Variants in CDK13 observed in about 807,000 individuals in gnomAD.
CDK13 encodes cyclin dependent kinase 13, also known as cyclin-dependent kinase 13.
In CDK13, 40 loss-of-function variants were observed where a neutral mutation model predicts 137.6. The observed-to-expected ratio is 0.29, with a 90% confidence interval of 0.23 to 0.38. CDK13 has a LOEUF of 0.38. CDK13 is among the 10% of genes least tolerant of loss of function. The pLI is 1.00. For synonymous variants in CDK13, 869 were observed against 760.1 expected, an observed-to-expected ratio of 1.14 and a Z score of -2.36; for missense variants, 1,704 against 1,951.8, an observed-to-expected ratio of 0.87 and a Z score of 2.39.
chr7:39,981,276 G>C (rs1387448049), intron 1 of CDK13, among the ~76,000 whole-genome samples: 1 of 151,948 alleles, frequency 6.6e-6, no homozygotes, highest in Non-Finnish European at 1.5e-5. Context: ...GGGTGGAGGT[G>C]GGACGATCAC....
intron 6 of CDK13, among the ~76,000 whole-genome samples, chr7:40,047,559 CTAATATTA>C (rs1240035970): frequency 2.0e-5 from 3 of 151,722 alleles, no homozygotes; most frequent in Non-Finnish European, 2.9e-5. Flanking sequence ...AAATACTATT[CTAATATTA>C]TAATACAGTA....
chr7:39,980,783 C>T (rs527735223), intron 1 of CDK13, among the ~76,000 whole-genome samples: 22 of 152,264 alleles, frequency 1.4e-4, no homozygotes, highest in South Asian at 8.3e-4. Flanking sequence ...AAATAATTTT[C>T]AGAAGACCTA....
At position 40,045,895 on chromosome 7, in the gene CDK13, G is replaced by A; in HGVS notation, c.2413G>A (p.Gly805Ser). The A allele has an allele frequency of 6.2e-7, 1 of 1,613,116 alleles. No homozygotes were observed. The highest frequency in any genetic ancestry group is 2.2e-5 in the East Asian group (1 of 44,810). The change falls in exon 6 of 14, where the codon GGC becomes AGC. Residue 805 changes from glycine (G) to serine (S), a missense_variant. Physicochemically the swap from Gly to Ser is moderately conservative, Grantham distance 56. Coordinates refer to ENST00000181839, the MANE Select transcript of CDK13 (RefSeq NM_003718.5). Reference protein sequence around the residue: ...DHDLMGLLESGLVHFNENHIK... With the variant: ...DHDLMGLLESSLVHFNENHIK... ...TGATCTGATGGGACTACTGGAATCAGGCTTGGTTCATTTTAATGAAAATCA... is the reference window on the plus strand; with the variant it reads ...TGATCTGATGGGACTACTGGAATCAAGCTTGGTTCATTTTAATGAAAATCA...
Position 39,965,279 on chromosome 7 carries a change from A to T in CDK13, c.1211+13427A>T, listed in dbSNP as rs532385065. Among the ~76,000 whole-genome samples, 7 of 152,162 alleles carry T rather than the reference A, an allele frequency of 4.6e-5. No homozygotes were observed. In the South Asian group the frequency reaches 1.5e-3, roughly 32 times the overall value. ...AGTCTCTCTTTGTAGGTCTCTAAGG[A>T]CTTGCTTTATAAATCTGGGTGCTCC... is the stretch of plus-strand genomic sequence containing the variant. On this transcript the variant is annotated intron_variant, in intron 1 of 13. Coordinates refer to ENST00000181839, the MANE Select transcript of CDK13 (RefSeq NM_003718.5).
rs1465986892 is a variant in CDK13 at position 40,012,147 on chromosome 7, A to C, written c.2353+10116A>C. 3.3e-5 allele frequency among the ~76,000 whole-genome samples: 5 copies of C among 152,176 alleles called. No individual in the cohort carries two copies. In the East Asian group the frequency reaches 7.7e-4, roughly 23 times the overall value. On this transcript the variant is annotated intron_variant, in intron 5 of 13. Transcript: ENST00000181839. ...AACACCACCAACAACAACAAAAAAA[A>C]CCCTAGGAAATAAGTGTTGTCCAGG...
Position 40,094,624 on chromosome 7 carries a change from G to A in CDK13, c.4183G>A (p.Ala1395Thr). Residue 1395 changes from alanine to threonine, a missense_variant, in exon 14 of 14, where the codon GCC (alanine) becomes ACC (threonine). By Grantham distance (58) the Ala-to-Thr change is moderately conservative. Around this residue, in one of 5 missense-constraint regions of CDK13, gnomAD observed 475 missense variants for 579.3 expected, o/e 0.82. Coordinates refer to ENST00000181839, the MANE Select transcript of CDK13 (RefSeq NM_003718.5). ...TTCTGGTGGTCCACCTCAGCCTTCT[G>A]CCTTTTCTGAGTCATTTCCCAGTTC... ...SHSGGPPQPSAFSESFPSSVA... is the reference protein window; with the variant it reads ...SHSGGPPQPSTFSESFPSSVA... 6.2e-7 allele frequency: 1 copy of A among 1,614,036 alleles called. No homozygotes were observed. The highest frequency in any genetic ancestry group is 8.5e-7 in the Non-Finnish European group (1 of 1,179,976).
chr7:39,951,093 C>G lies in CDK13; in HGVS notation c.452C>G (p.Ser151Cys). The G allele has an allele frequency of 7.9e-7, 1 of 1,260,610 alleles. No homozygotes were observed. Among genetic ancestry groups the G allele is most frequent in the Non-Finnish European group, 1.0e-6 (1 of 1,004,238 alleles). The allele number at this position is 1,260,610 out of a possible 1,614,324, so 78.1% of individuals were successfully genotyped here. The change falls in exon 1 of 14, where the codon TCC becomes TGC. Residue 151 changes from serine (S) to cysteine (C), a missense_variant. Ser to Cys is a moderately radical substitution (Grantham distance 112, BLOSUM62 -1). Around this residue, in one of 5 missense-constraint regions of CDK13, gnomAD observed 1,051 missense variants for 931.0 expected, o/e 1.13. Transcript: ENST00000181839. ...TPLVEYEDVS[S>C]QSEQGLLLGG... is the part of the protein sequence containing the mutation. ...CTGGTGGAATACGAGGATGTGAGCT[C>G]CCAGTCCGAGCAGGGGCTGCTGCTG...
At chr7:40,024,643 G>GTGTTTTT (rs1785202351) in intron 5 of CDK13, among the ~76,000 whole-genome samples, 1 of 93,290 alleles carries the variant, frequency 1.1e-5, no homozygotes, top group African/African-American at 5.0e-5. Flanking sequence ...CTGTAGCTCT[G>GTGTTTTT]TGTTTTTTTT....
At chr7:39,951,917 A>T in intron 1 of CDK13, 65 bp downstream of exon 1, 1 of 1,312,630 alleles carries the variant, frequency 7.6e-7, no homozygotes. Flanking sequence ...GGAGGAAGGG[A>T]AAGTGGTGCC....
intron 9 of CDK13, among the ~76,000 whole-genome samples, chr7:40,074,777 C>T (rs2150534161): frequency 6.7e-6 from 1 of 150,294 alleles, no homozygotes; most frequent in Middle Eastern, 3.4e-3. Context: ...GCTATGATTG[C>T]ATCACTGACC....
chr7:40,084,537 C>T (rs748972067), intron 11 of CDK13, among the ~76,000 whole-genome samples: 3 of 152,234 alleles, frequency 2.0e-5, no homozygotes, highest in East Asian at 1.9e-4. Context: ...CCCTGTCAAA[C>T]GTAAAGTATA....
Position 39,957,420 on chromosome 7 carries a change from T to C in CDK13, c.1211+5568T>C, listed in dbSNP as rs550452261. On this transcript the variant is annotated intron_variant, in intron 1 of 13. Transcript: ENST00000181839. ...TTTTCCCTACTAGATTGTAAGCTCC[T>C]AGAGGACAAATTACAGAGCTTATTT... Among the ~76,000 whole-genome samples, 3 of 152,316 alleles carry C rather than the reference T, an allele frequency of 2.0e-5. No individual in the cohort carries two copies. In the East Asian group the frequency reaches 5.8e-4, roughly 29 times the overall value.
At chr7:40,039,264 A>G (rs892168703) in intron 5 of CDK13, among the ~76,000 whole-genome samples, 1 of 151,138 alleles carries the variant, frequency 6.6e-6, no homozygotes, top group Non-Finnish European at 1.5e-5. Flanking sequence ...TTATTTATAT[A>G]TACAGATAGA....
intron 2 of CDK13, among the ~76,000 whole-genome samples, chr7:39,995,250 A>G (rs1425750904): frequency 2.6e-5 from 4 of 152,314 alleles, no homozygotes; most frequent in African/African-American, 9.6e-5. Flanking sequence ...TGGACATTTA[A>G]TATAGATAGT....
intron 7 of CDK13, among the ~76,000 whole-genome samples, chr7:40,054,282 C>G (rs911159933): frequency 6.6e-6 from 1 of 152,094 alleles, no homozygotes; most frequent in East Asian, 1.9e-4. Context: ...TTTGAATCTC[C>G]CTTTGTCATA....
intron 1 of CDK13, among the ~76,000 whole-genome samples, chr7:39,983,414 C>T (rs892586545): frequency 2.0e-5 from 3 of 152,298 alleles, no homozygotes; most frequent in Non-Finnish European, 4.4e-5. Context: ...AGCAACTGCG[C>T]CCGGCCCCAA....
At chr7:40,044,979 T>C (rs1401173372) in intron 5 of CDK13, among the ~76,000 whole-genome samples, 2 of 152,200 alleles carry the variant, frequency 1.3e-5, no homozygotes, top group African/African-American at 4.8e-5. Flanking sequence ...CTATTAAATA[T>C]GACATTGGTT....
At chr7:39,955,905 T>A (rs1180837089) in intron 1 of CDK13, among the ~76,000 whole-genome samples, 1 of 152,090 alleles carries the variant, frequency 6.6e-6, no homozygotes, top group African/African-American at 2.4e-5. Context: ...CTATGGAAGT[T>A]CCATTCCACC....
intron 1 of CDK13, among the ~76,000 whole-genome samples, chr7:39,954,582 A>G (rs1399683808): frequency 1.3e-5 from 2 of 152,092 alleles, no homozygotes; most frequent in East Asian, 3.9e-4. Context: ...TGAACATACA[A>G]AATATTAATG....
Sources: gnomAD v4.1 joint callset for allele counts (sites outside exome capture counted in the v4.1 genomes callset) on GRCh38, gnomAD v4.1.1 for gene constraint, gnomAD v4.1.1 regional missense constraint, MANE v1.5 for transcripts, NCBI Gene and HGNC (gene_info 2026-07-23, HGNC 2026-07-21) for gene names.